Variants in DNAH6 observed in about 807,000 individuals in gnomAD.
DNAH6 encodes the protein axonemal beta dynein heavy chain 6.
Under a neutral mutation model 491.4 loss-of-function variants are expected in DNAH6, and 340 were observed. The ratio of observed to expected loss-of-function variants is 0.69; its 90% CI spans 0.63 to 0.76. The LOEUF is 0.76. Ranked by LOEUF, DNAH6 falls within the 30% of genes least tolerant of loss-of-function variation. DNAH6 has a pLI of 0.00. For missense variants in DNAH6, 4,443 were observed against 4,972.2 expected (o/e 0.89, Z 3.20); for synonymous variants, 1,603 against 1,686.1 (o/e 0.95, Z 1.21).
chr2:84,540,207 C>A (rs1436905944), intron 4 of DNAH6, among the ~76,000 whole-genome samples: 1 of 152,086 alleles, frequency 6.6e-6, no homozygotes, highest in Non-Finnish European at 1.5e-5. Flanking sequence ...TGTATGCATT[C>A]AAGCATGGCC....
At chr2:84,719,399 C>T (rs1697866784) in intron 59 of DNAH6, among the ~76,000 whole-genome samples, 1 of 152,140 alleles carries the variant, frequency 6.6e-6, no homozygotes, top group African/African-American at 2.4e-5. Flanking sequence ...ATGAAATATT[C>T]TACAAGGCTT....
At chr2:84,653,933 CA>C (rs1690702054) in intron 34 of DNAH6, 59 bp downstream of exon 34, 9 of 1,390,866 alleles carry the variant, frequency 6.5e-6, no homozygotes, top group Non-Finnish European at 7.7e-6. Flanking sequence ...ACTATCGTTA[CA>C]TTTTTTTCTC....
At chr2:84,712,375 G>A (rs1366254536) in intron 56 of DNAH6, among the ~76,000 whole-genome samples, 1 of 152,180 alleles carries the variant, frequency 6.6e-6, no homozygotes, top group Non-Finnish European at 1.5e-5. Flanking sequence ...TGGGCCATGG[G>A]ACCCCCATCA....
At chr2:84,693,235 C>T (rs1695045616) in intron 45 of DNAH6, among the ~76,000 whole-genome samples, 1 of 152,030 alleles carries the variant, frequency 6.6e-6, no homozygotes, top group Non-Finnish European at 1.5e-5. Context: ...TTTAAGATTG[C>T]TATCTTTTTT....
chr2:84,508,821 T>C, the DNAH6 span, among the ~76,000 whole-genome samples: 1 of 152,266 alleles, frequency 6.6e-6, no homozygotes, highest in Non-Finnish European at 1.5e-5. Flanking sequence ...CATTTCGTTA[T>C]GTACCCAGTA....
chr2:84,769,074 C>A (rs1675364625), intron 64 of DNAH6, among the ~76,000 whole-genome samples: 1 of 152,230 alleles, frequency 6.6e-6, no homozygotes, highest in Non-Finnish European at 1.5e-5. Flanking sequence ...CCACTATTGT[C>A]TGTAAAAGGT....
intron 2 of DNAH6, among the ~76,000 whole-genome samples, chr2:84,520,998 A>G (rs1442859924): frequency 3.3e-5 from 5 of 152,046 alleles, no homozygotes; most frequent in African/African-American, 1.2e-4. Context: ...GCTACTTTCC[A>G]CAATGGTTGT....
At chr2:84,487,883 A>G in the DNAH6 span, among the ~76,000 whole-genome samples, 5 of 152,252 alleles carry the variant, frequency 3.3e-5, no homozygotes, top group East Asian at 9.6e-4. Context: ...TATGGGGATA[A>G]CTGTGTAGAG....
chr2:84,587,506 G>A (rs572633311), intron 15 of DNAH6, among the ~76,000 whole-genome samples: 10 of 152,158 alleles, frequency 6.6e-5, no homozygotes, highest in African/African-American at 9.7e-5. Flanking sequence ...TCTATAGAAG[G>A]TTTGAAATTA....
chr2:84,511,170 G>T, the DNAH6 span, among the ~76,000 whole-genome samples: 1 of 152,216 alleles, frequency 6.6e-6, no homozygotes, highest in Non-Finnish European at 1.5e-5. Context: ...CTCCCCCAGA[G>T]GTGGAGTCTA....
intron 11 of DNAH6, among the ~76,000 whole-genome samples, chr2:84,571,757 C>CAAA (rs34657775): frequency 3.8e-5 from 4 of 104,020 alleles, no homozygotes; most frequent in Non-Finnish European, 8.5e-5. Flanking sequence ...ACTAAAATTA[C>CAAA]AAAAAAAAAA....
chr2:84,555,109 G>A (rs996220365), intron 10 of DNAH6, among the ~76,000 whole-genome samples: 3 of 152,050 alleles, frequency 2.0e-5, no homozygotes, highest in Admixed American at 2.0e-4. Flanking sequence ...CTATTTTTTC[G>A]CTATTATTTT....
chr2:84,621,643 T>A, intron 26 of DNAH6, 92 bp downstream of exon 26: 1 of 662,478 alleles, frequency 1.5e-6, no homozygotes, highest in South Asian at 2.4e-5. Context: ...TCACTTTATT[T>A]CAGAAATTCT....
intron 72 of DNAH6, among the ~76,000 whole-genome samples, chr2:84,811,355 G>C (rs994403666): frequency 6.6e-6 from 1 of 152,120 alleles, no homozygotes; most frequent in Non-Finnish European, 1.5e-5. Flanking sequence ...TGCGACCCAT[G>C]GGGGCCATAA....
chr2:84,535,671 G>C (rs1484697850), intron 4 of DNAH6, among the ~76,000 whole-genome samples: 2 of 140,976 alleles, frequency 1.4e-5, no homozygotes, highest in African/African-American at 5.5e-5. Flanking sequence ...ATACTACTTG[G>C]AACCAGAAAA....
chr2:84,730,056 G>C (rs1042727316), intron 61 of DNAH6, among the ~76,000 whole-genome samples: 2 of 152,208 alleles, frequency 1.3e-5, no homozygotes, highest in South Asian at 4.1e-4. Context: ...AATAAAAGAT[G>C]AGTGTCCAGG....
intron 40 of DNAH6, among the ~76,000 whole-genome samples, 163 bp from the exon 41 acceptor site, chr2:84,676,842 G>A (rs1240377910): frequency 1.3e-5 from 2 of 152,304 alleles, no homozygotes; most frequent in South Asian, 2.1e-4. Context: ...TAAAATAGGT[G>A]TAATTATAGT....
At chr2:84,473,046 C>A in the DNAH6 span, among the ~76,000 whole-genome samples, 1 of 152,068 alleles carries the variant, frequency 6.6e-6, no homozygotes, top group Non-Finnish European at 1.5e-5. Flanking sequence ...TGAGGTCCTG[C>A]AAATGAGGCT....
intron 64 of DNAH6, among the ~76,000 whole-genome samples, chr2:84,767,728 AAGAGTGC>A (rs1348147542): frequency 6.6e-6 from 1 of 152,074 alleles, no homozygotes; most frequent in East Asian, 1.9e-4. Flanking sequence ...AGAAGGAGAG[AAGAGTGC>A]AGAATATTTT....
Sources: gnomAD v4.1 joint callset for allele counts (sites outside exome capture counted in the v4.1 genomes callset) on GRCh38, gnomAD v4.1.1 for gene constraint, MANE v1.5 for transcripts, NCBI Gene and HGNC (gene_info 2026-07-23, HGNC 2026-07-21) for gene names.